The following SPIDR variants were observed in gnomAD, a reference collection of about 807,000 sequenced individuals.
The protein encoded by SPIDR is scaffold protein involved in DNA repair, also known as DNA repair-scaffolding protein.
SPIDR carries 93 observed loss-of-function variants against 104.6 expected under a neutral mutation model. The observed-to-expected ratio is 0.89, with a 90% CI of 0.75 to 1.06. The LOEUF (loss-of-function observed/expected upper bound fraction) is 1.06, where lower values mean the gene tolerates loss of function less well. Ranked by LOEUF, SPIDR falls within the 50% of genes least tolerant of loss-of-function variation. The probability of loss-of-function intolerance (pLI) is 0.00; values close to 1 mark genes in which losing one functional copy is unlikely to be tolerated. For missense variants in SPIDR, 1,154 were observed against 1,111.2 expected, an observed-to-expected ratio of 1.04 and a Z score of -0.55; for synonymous variants, 431 against 416.9, an observed-to-expected ratio of 1.03 and a Z score of -0.41.
At chr8:47,335,939 T>C (rs2154270754) in intron 5 of SPIDR, among the ~76,000 whole-genome samples, 1 of 152,306 alleles carries the variant, frequency 6.6e-6, no homozygotes, top group Middle Eastern at 3.4e-3. Flanking sequence ...TTTTTAATTC[T>C]GCATTTGTCT....
chr8:47,691,337 T>C (rs2078626205), intron 11 of SPIDR, among the ~76,000 whole-genome samples: 1 of 151,646 alleles, frequency 6.6e-6, no homozygotes, highest in South Asian at 2.1e-4. Context: ...AAAAATATCT[T>C]CCTGAAATTC....
At chr8:47,717,551 C>T (rs1165994447) in intron 16 of SPIDR, among the ~76,000 whole-genome samples, 1 of 152,172 alleles carries the variant, frequency 6.6e-6, no homozygotes, top group Non-Finnish European at 1.5e-5. Context: ...CAGATCCTCA[C>T]CTTTTGTGCC....
chr8:47,619,543 C>T (rs1452076050), intron 10 of SPIDR, among the ~76,000 whole-genome samples: 5 of 151,892 alleles, frequency 3.3e-5, no homozygotes, highest in African/African-American at 4.8e-5. Flanking sequence ...CTCTCAGGGT[C>T]ATGTAGGGTC....
chr8:47,701,784 C>G lies in SPIDR; in HGVS notation c.1837C>G (p.Gln613Glu), dbSNP rs753245948. ...YILTAHPNLG[Q>E]IDIIDEDPIY... ...CCTCACAGCTCATCCAAATCTGGGA[C>G]AAATTGATATAATTGACGAAGACCC... Residue 613 changes from glutamine (Q) to glutamate (E), a missense_variant, in exon 13 of 20, where the codon CAA becomes GAA. Gln to Glu is a conservative substitution (Grantham distance 29). Transcript: ENST00000297423. 6.2e-7 allele frequency: 1 copy of G among 1,614,012 alleles called. No individual in the cohort carries two copies. Among genetic ancestry groups the G allele is most frequent in the Non-Finnish European group, 8.5e-7 (1 of 1,180,022 alleles).
Position 47,584,863 on chromosome 8 carries a change from C to T in SPIDR, c.1098-10948C>T, listed in dbSNP as rs529446035. ...TTTATTCTCCTGTGGCTTTCTCTGC[C>T]TTTCCCCCTCCCACTCCATCTGCCC... On this transcript the variant is annotated intron_variant, in intron 8 of 19. Coordinates refer to ENST00000297423, the MANE Select transcript of SPIDR (RefSeq NM_001080394.4). Among the ~76,000 whole-genome samples the T allele has an allele frequency of 2.5e-4, 38 of 152,302 alleles. No individual in the cohort carries two copies. The South Asian group carries it at 7.5e-3, about 30-fold the overall frequency.
chr8:47,367,929 A>T (rs1338686373), intron 5 of SPIDR, among the ~76,000 whole-genome samples: 4 of 152,194 alleles, frequency 2.6e-5, no homozygotes, highest in African/African-American at 9.6e-5. Context: ...TTGTAGGACG[A>T]TGCTTGTTAT....
At chr8:47,285,718 C>G (rs2038710386) in intron 3 of SPIDR, among the ~76,000 whole-genome samples, 1 of 152,142 alleles carries the variant, frequency 6.6e-6, no homozygotes, top group Non-Finnish European at 1.5e-5. Context: ...TGGATTAAGG[C>G]CCACCCTAAT....
intron 8 of SPIDR, among the ~76,000 whole-genome samples, chr8:47,489,520 A>G (rs2078298822): frequency 1.3e-5 from 2 of 152,178 alleles, no homozygotes; most frequent in South Asian, 4.1e-4. Flanking sequence ...TTCCTATGGA[A>G]CCAAAAAAGA....
chr8:47,294,931 C>T (rs1205075834), intron 5 of SPIDR, among the ~76,000 whole-genome samples: 1 of 152,056 alleles, frequency 6.6e-6, no homozygotes, highest in East Asian at 1.9e-4. Flanking sequence ...CCTGTGACTC[C>T]AATTACATGT....
Position 47,595,848 on chromosome 8 carries a change from A to C in SPIDR, c.1135A>C (p.Ile379Leu), listed in dbSNP as rs1437086154. The part of the protein sequence containing the change: ...LIIPSGSCPV[I>L]LNTYFCEKVV... Reference sequence around the variant, plus strand: ...TATTCCAAGTGGAAGTTGCCCTGTTATTCTGAATACTTACTTTTGTGAGAA... The same window carrying C: ...TATTCCAAGTGGAAGTTGCCCTGTTCTTCTGAATACTTACTTTTGTGAGAA... The change falls in exon 9 of 20, where the codon ATT (isoleucine) becomes CTT (leucine). Residue 379 changes from isoleucine (I) to leucine (L), a missense_variant. Physicochemically the swap from Ile to Leu is conservative, Grantham distance 5. Transcript: ENST00000297423. 6.2e-7 allele frequency: 1 copy of C among 1,614,176 alleles called. No individual in the cohort carries two copies.
In SPIDR at chr8:47,280,904, A is replaced by G. The variant is rs374628884; in HGVS notation, c.189+887A>G. Among the ~76,000 whole-genome samples the G allele has an allele frequency of 3.1e-4, 47 of 152,264 alleles. No individual in the cohort carries two copies. The East Asian group carries it at 6.6e-3, about 21-fold the overall frequency. ...CTTTGTTTGTAAATGAAGGATATTT[A>G]CTAAGAATGTTCTCAGAAGATGAAA... On this transcript the variant is annotated intron_variant, in intron 2 of 19. Coordinates refer to ENST00000297423, the MANE Select transcript of SPIDR (RefSeq NM_001080394.4).
intron 5 of SPIDR, among the ~76,000 whole-genome samples, chr8:47,372,635 G>GATAATA (rs781842229): frequency 6.6e-6 from 1 of 151,374 alleles, no homozygotes. Context: ...CAAAAATAAT[G>GATAATA]ATAATAATAA....
At chr8:47,303,447 G>A (rs894307378) in intron 5 of SPIDR, among the ~76,000 whole-genome samples, 1 of 152,122 alleles carries the variant, frequency 6.6e-6, no homozygotes, top group East Asian at 1.9e-4. Flanking sequence ...ACTGCACCCA[G>A]TGTGCTGCAC....
At chr8:47,636,487 G>A (rs2067940202) in intron 10 of SPIDR, among the ~76,000 whole-genome samples, 1 of 152,176 alleles carries the variant, frequency 6.6e-6, no homozygotes, top group South Asian at 2.1e-4. Flanking sequence ...GGAAGGCATG[G>A]CAAAAGCCAA....
intron 7 of SPIDR, among the ~76,000 whole-genome samples, chr8:47,423,354 C>T (rs1363171662): frequency 2.0e-5 from 3 of 151,318 alleles, no homozygotes; most frequent in Non-Finnish European, 4.4e-5. Flanking sequence ...TGTCTGTAAT[C>T]CCAGCACTTT....
intron 5 of SPIDR, among the ~76,000 whole-genome samples, chr8:47,363,686 A>T (rs1417424090): frequency 2.0e-4 from 30 of 151,640 alleles, no homozygotes; most frequent in Admixed American, 6.6e-4. Context: ...ATGATATTTT[A>T]AAAAAAATAC....
intron 8 of SPIDR, among the ~76,000 whole-genome samples, chr8:47,492,147 C>G (rs1440611325): frequency 6.6e-6 from 1 of 152,132 alleles, no homozygotes; most frequent in East Asian, 1.9e-4. Context: ...GCTGGGTGGA[C>G]ATGATGTGCC....
intron 7 of SPIDR, among the ~76,000 whole-genome samples, chr8:47,432,416 T>C (rs1554689839): frequency 6.6e-6 from 1 of 152,140 alleles, no homozygotes; most frequent in East Asian, 1.9e-4. Context: ...AGGAGCATCA[T>C]GGTTAGCAGT....
chr8:47,393,297 C>A (rs2154308784), intron 5 of SPIDR, among the ~76,000 whole-genome samples: 1 of 152,304 alleles, frequency 6.6e-6, no homozygotes, highest in South Asian at 2.1e-4. Context: ...TTCAGTCCAC[C>A]TCTCTATTCC....
Sources: gnomAD v4.1 joint callset for allele counts (sites outside exome capture counted in the v4.1 genomes callset) on GRCh38, gnomAD v4.1.1 for gene constraint, MANE v1.5 for transcripts, NCBI Gene and HGNC (gene_info 2026-07-23, HGNC 2026-07-21) for gene names.